Variants in SLC35F4 observed in about 807,000 individuals in gnomAD.
SLC35F4 encodes chromosome 14 open reading frame 36.
A neutral mutation model predicts 44.2 loss-of-function variants in SLC35F4; 24 were observed. The ratio of observed to expected loss-of-function variants is 0.54; its 90% confidence interval spans 0.39 to 0.76. The LOEUF is 0.76. Ranked by LOEUF, SLC35F4 falls within the 30% of genes least tolerant of loss-of-function variation. The pLI, the probability that SLC35F4 is intolerant of heterozygous loss-of-function variation, is 0.00. For missense variants in SLC35F4, 562 were observed against 586.1 expected (o/e 0.96, Z 0.42); for synonymous variants, 238 against 223.6 (o/e 1.06, Z -0.57).
Position 57,865,807 on chromosome 14 carries a change from G to C in SLC35F4, c.19C>G (p.Pro7Ala). ...TCCTCGATAGTGGCCACCCCGTTGG[G>C]GGCCGCCTTGACATCCATAGAGAGC... Reference protein sequence around the residue: MDVKAAPNGVATIEDRI... With the variant: MDVKAAANGVATIEDRI... Residue 7 changes from proline to alanine, a missense_variant, in exon 1 of 8, where the codon CCC becomes GCC. Transcript: ENST00000556826. The C allele has an allele frequency of 6.6e-7, 1 of 1,519,490 alleles. No homozygotes were observed. Among genetic ancestry groups the C allele is most frequent in the Non-Finnish European group, 8.8e-7 (1 of 1,140,182 alleles). The allele number at this position is 1,519,490 out of a possible 1,614,324, so 94.1% of individuals were successfully genotyped here.
At chr14:57,664,027 G>A (rs956616663) in intron 1 of SLC35F4, among the ~76,000 whole-genome samples, 1 of 152,018 alleles carries the variant, frequency 6.6e-6, no homozygotes, top group African/African-American at 2.4e-5. Flanking sequence ...CATAGCAGTA[G>A]GGCACTGTAC....
intron 1 of SLC35F4, among the ~76,000 whole-genome samples, chr14:57,641,823 A>G (rs2073254222): frequency 6.6e-6 from 1 of 152,014 alleles, no homozygotes. Context: ...AAGATAAGCA[A>G]CACTCACCTG....
chr14:57,689,808 G>A (rs527382919), intron 1 of SLC35F4, among the ~76,000 whole-genome samples: 292 of 151,792 alleles, frequency 1.9e-3, no homozygotes, highest in Non-Finnish European at 2.6e-3. Flanking sequence ...AATGGGTGCG[G>A]CACACCAATA....
At position 57,707,408 on chromosome 14, in the gene SLC35F4, G is replaced by A. The variant is rs144572964; in HGVS notation, c.104-113284C>T. Among the ~76,000 whole-genome samples, 182 of 152,182 alleles carry A rather than the reference G, an allele frequency of 1.2e-3. 1 individual carries two copies. The highest frequency in any genetic ancestry group is 4.1e-3 in the African/African-American group (171 of 41,512). On this transcript the variant is annotated intron_variant, in intron 1 of 7. Coordinates refer to ENST00000556826, the MANE Select transcript of SLC35F4 (RefSeq NM_001306087.2). Reference sequence around the variant, plus strand: ...GAGTGAGTTCTCATGAGATCTGATCGTTTTAAAAGCATCTGGCATTCCCCC... The same window carrying A: ...GAGTGAGTTCTCATGAGATCTGATCATTTTAAAAGCATCTGGCATTCCCCC...
chr14:57,751,141 T>G (rs1418138216), intron 1 of SLC35F4, among the ~76,000 whole-genome samples: 1 of 152,200 alleles, frequency 6.6e-6, no homozygotes, highest in African/African-American at 2.4e-5. Flanking sequence ...AAAGTACATA[T>G]AATTATCCCC....
rs187806859 is a variant in SLC35F4, at chr14:57,807,816, G to A, written c.103+57907C>T. On this transcript the variant is annotated intron_variant, in intron 1 of 7. Transcript: ENST00000556826. ...AGTCTGTCCTCATGCCGCTAATAAAGACATACCTGAGACTGGGTAATTTAT... is the reference window on the plus strand; with the variant it reads ...AGTCTGTCCTCATGCCGCTAATAAAAACATACCTGAGACTGGGTAATTTAT... Among the ~76,000 whole-genome samples, 510 of 151,840 alleles carry A rather than the reference G, an allele frequency of 3.4e-3. 14 individuals carry two copies. Among genetic ancestry groups the A allele is most frequent in the African/African-American group, 0.011 (471 of 41,180 alleles).
upstream of SLC35F4, among the ~76,000 whole-genome samples, chr14:57,867,446 G>A (rs1420417218): frequency 1.3e-5 from 2 of 152,130 alleles, no homozygotes; most frequent in African/African-American, 4.8e-5. Flanking sequence ...AGTTCATAAA[G>A]AAACCAATTT....
chr14:57,586,800 G>A (rs2069772138), intron 3 of SLC35F4, among the ~76,000 whole-genome samples: 1 of 142,480 alleles, frequency 7.0e-6, no homozygotes, highest in African/African-American at 2.6e-5. Flanking sequence ...ATAATTGACA[G>A]ATGGGATCTA....
At chr14:57,823,854 A>G (rs984443697) in intron 1 of SLC35F4, among the ~76,000 whole-genome samples, 1 of 152,204 alleles carries the variant, frequency 6.6e-6, no homozygotes, top group African/African-American at 2.4e-5. Context: ...CATGGAAAAA[A>G]TAACAAAATA....
intron 1 of SLC35F4, among the ~76,000 whole-genome samples, chr14:57,632,632 C>A (rs1043172439): frequency 6.6e-6 from 1 of 152,014 alleles, no homozygotes; most frequent in Non-Finnish European, 1.5e-5. Context: ...AACTGATGAA[C>A]CTACATGAAC....
At chr14:57,724,658 C>G (rs188597312) in intron 1 of SLC35F4, among the ~76,000 whole-genome samples, 1 of 152,164 alleles carries the variant, frequency 6.6e-6, no homozygotes, top group Admixed American at 6.5e-5. Flanking sequence ...ATTCTCCCCC[C>G]CAGCCTGCAC....
chr14:57,684,587 A>G (rs1008401118), intron 1 of SLC35F4, among the ~76,000 whole-genome samples: 5 of 152,140 alleles, frequency 3.3e-5, no homozygotes, highest in African/African-American at 1.2e-4. Flanking sequence ...CTGGGTTCCT[A>G]ACAGGCCACA....
chr14:57,694,515 A>C (rs2075325353), intron 1 of SLC35F4, among the ~76,000 whole-genome samples: 2 of 152,194 alleles, frequency 1.3e-5, no homozygotes, highest in South Asian at 4.1e-4. Flanking sequence ...ACTATATCAC[A>C]GTTAGTTACA....
chr14:57,951,314 G>T (rs1048270834), intron 1 of SLC35F4, among the ~76,000 whole-genome samples: 4 of 152,136 alleles, frequency 2.6e-5, no homozygotes, highest in Non-Finnish European at 5.9e-5. Context: ...TCCCTTGGGT[G>T]CCTACACCAC....
intron 1 of SLC35F4, among the ~76,000 whole-genome samples, chr14:57,830,999 G>C (rs1884314646): frequency 6.6e-6 from 1 of 152,164 alleles, no homozygotes; most frequent in Non-Finnish European, 1.5e-5. Flanking sequence ...ATGCATCCCT[G>C]CTCTTGAATG....
At chr14:57,626,415 CTT>C (rs1021331615) in intron 1 of SLC35F4, among the ~76,000 whole-genome samples, 15 of 151,398 alleles carry the variant, frequency 9.9e-5, no homozygotes, top group African/African-American at 3.6e-4. Flanking sequence ...TCAGCGATGT[CTT>C]TTTTCTATAC....
At chr14:57,661,480 T>G (rs772778562) in intron 1 of SLC35F4, among the ~76,000 whole-genome samples, 2 of 152,208 alleles carry the variant, frequency 1.3e-5, no homozygotes, top group Non-Finnish European at 2.9e-5. Flanking sequence ...TACTTCCATC[T>G]TTTATAAACC....
At chr14:57,616,288 G>A (rs548473367) in intron 1 of SLC35F4, among the ~76,000 whole-genome samples, 46 of 152,268 alleles carry the variant, frequency 3.0e-4, no homozygotes, top group African/African-American at 4.8e-4. Context: ...CCATCTTAGC[G>A]TGGTAGTAAG....
At chr14:57,875,293 T>C (rs978804509) in intron 1 of SLC35F4, among the ~76,000 whole-genome samples, 4 of 152,224 alleles carry the variant, frequency 2.6e-5, no homozygotes, top group African/African-American at 9.6e-5. Flanking sequence ...TTCTCTAATT[T>C]CCTTCCTTTC....
Sources: allele counts gnomAD v4.1 joint callset (sites outside exome capture counted in the v4.1 genomes callset), GRCh38; gene constraint gnomAD v4.1.1; transcripts MANE v1.5; gene names NCBI Gene and HGNC (gene_info 2026-07-23, HGNC 2026-07-21).